The following KIAA1549L variants were observed in gnomAD, a reference collection of about 807,000 sequenced individuals.
The protein encoded by KIAA1549L is KIAA1549 like.
KIAA1549L carries 88 observed loss-of-function variants against 160.7 expected under a neutral mutation model. The observed-to-expected ratio is 0.55, with a 90% CI of 0.46 to 0.65. The LOEUF is 0.65. KIAA1549L is among the 30% of genes least tolerant of loss of function. KIAA1549L has a pLI of 0.00. For synonymous variants in KIAA1549L, 950 were observed against 976.7 expected (o/e 0.97, Z 0.51); for missense variants, 2,258 against 2,437.5 (o/e 0.93, Z 1.55).
chr11:33,526,634 C>T (rs942934527), intron 1 of KIAA1549L, among the ~76,000 whole-genome samples: 3 of 152,194 alleles, frequency 2.0e-5, no homozygotes, highest in African/African-American at 7.2e-5. Context: ...GAGAGCACTA[C>T]ATCAAGGAAT....
intron 1 of KIAA1549L, among the ~76,000 whole-genome samples, chr11:33,444,063 C>T (rs902876626): frequency 6.6e-6 from 1 of 152,190 alleles, no homozygotes; most frequent in Non-Finnish European, 1.5e-5. Flanking sequence ...AAGATCTGCA[C>T]TACCTGGGTT....
intron 16 of KIAA1549L, among the ~76,000 whole-genome samples, chr11:33,627,790 T>C (rs2133368708): frequency 6.6e-6 from 1 of 152,162 alleles, no homozygotes; most frequent in African/African-American, 2.4e-5. Flanking sequence ...TTTCCTTCAG[T>C]TCTGCTCTGA....
intron 18 of KIAA1549L, among the ~76,000 whole-genome samples, chr11:33,657,876 C>T (rs1244850042): frequency 6.6e-6 from 1 of 152,228 alleles, no homozygotes; most frequent in African/African-American, 2.4e-5. Context: ...CTTGCCGTGG[C>T]TGTCATTTGC....
At chr11:33,606,359 C>T (rs1850500758) in intron 13 of KIAA1549L, among the ~76,000 whole-genome samples, 2 of 152,116 alleles carry the variant, frequency 1.3e-5, no homozygotes, top group South Asian at 4.2e-4. Flanking sequence ...TTTCAACTGT[C>T]TTATGTCATA....
rs181806311 is a variant in KIAA1549L at position 33,597,723 on chromosome 11, G to C, written c.4752-1097G>C. Among the ~76,000 whole-genome samples the C allele has an allele frequency of 4.0e-3, 602 of 152,254 alleles. 7 individuals are homozygous for C. Among genetic ancestry groups the C allele is most frequent in the African/African-American group, 0.013 (554 of 41,540 alleles). ...TTCCAGAAGATGAGAGTCCCGCCCT[G>C]AGGAAGGAAAGAAGGCTCTGTGACT... is the stretch of plus-strand genomic sequence containing the variant. On this transcript the variant is annotated intron_variant, in intron 12 of 20. Coordinates refer to ENST00000658780, the MANE Select transcript of KIAA1549L (RefSeq NM_012194.3).
intron 13 of KIAA1549L, among the ~76,000 whole-genome samples, chr11:33,605,027 CAG>C (rs1850461830): frequency 6.6e-6 from 1 of 152,120 alleles, no homozygotes; most frequent in Non-Finnish European, 1.5e-5. Context: ...TGGCTCTTGA[CAG>C]GGGGCTTCAG....
intron 1 of KIAA1549L, among the ~76,000 whole-genome samples, chr11:33,445,081 A>T (rs1327468457): frequency 4.6e-5 from 7 of 152,202 alleles, no homozygotes; most frequent in Non-Finnish European, 8.8e-5. Flanking sequence ...CCCACAATGG[A>T]GAGCGCAGCA....
chr11:33,667,736 G>C, intron 20 of KIAA1549L, 137 bp from the exon 21 acceptor site: 1 of 706,206 alleles, frequency 1.4e-6, no homozygotes. Context: ...TCTATACAAT[G>C]GTATGTGGCT....
intron 20 of KIAA1549L, among the ~76,000 whole-genome samples, 200 bp downstream of exon 20, chr11:33,661,214 C>T (rs1852250333): frequency 6.6e-6 from 1 of 152,198 alleles, no homozygotes; most frequent in Admixed American, 6.5e-5. Context: ...TTGAGACCTG[C>T]CTTCTAGTCC....
chr11:33,589,491 A>G (rs1247095102), intron 11 of KIAA1549L, among the ~76,000 whole-genome samples: 2 of 152,230 alleles, frequency 1.3e-5, no homozygotes, highest in African/African-American at 4.8e-5. Flanking sequence ...TATTCACAAT[A>G]GCAAAGACTT....
At chr11:33,524,893 G>A (rs958876073) in intron 1 of KIAA1549L, among the ~76,000 whole-genome samples, 2 of 152,174 alleles carry the variant, frequency 1.3e-5, no homozygotes, top group African/African-American at 2.4e-5. Context: ...TAATGCAGAA[G>A]CATAGTCCGT....
At chr11:33,577,088 G>A (rs146370000) in intron 10 of KIAA1549L, among the ~76,000 whole-genome samples, 1 of 152,210 alleles carries the variant, frequency 6.6e-6, no homozygotes, top group Non-Finnish European at 1.5e-5. Context: ...AGGGAGATGG[G>A]AGGAGAGTGT....
rs191816676 is a variant in KIAA1549L, at chr11:33,670,046, G to C, written c.*1892G>C. ...TGGACAGTGCGAGATTTTATTGACA[G>C]GTTAACACAATGCCTACGTCTATCC... On this transcript the variant is annotated 3_prime_UTR_variant, in exon 21 of 21. Coordinates refer to ENST00000658780, the MANE Select transcript of KIAA1549L (RefSeq NM_012194.3). The C allele has an allele frequency of 6.6e-6, 1 of 152,284 alleles. No individual in the cohort carries two copies. The highest frequency in any genetic ancestry group is 1.9e-4 in the East Asian group (1 of 5,186). The allele number at this position is 152,284 out of a possible 1,614,324, so 9.4% of individuals were successfully genotyped here.
chr11:33,585,510 C>T (rs1855784168), intron 11 of KIAA1549L, among the ~76,000 whole-genome samples: 1 of 151,928 alleles, frequency 6.6e-6, no homozygotes, highest in African/African-American at 2.4e-5. Flanking sequence ...AAGAGCAAAA[C>T]TCCGTCTCAA....
chr11:33,647,242 G>T (rs1280230595), intron 17 of KIAA1549L, among the ~76,000 whole-genome samples: 1 of 152,032 alleles, frequency 6.6e-6, no homozygotes, highest in Non-Finnish European at 1.5e-5. Context: ...CAGGTGTGGC[G>T]GCATGCGCCT....
Position 33,635,421 on chromosome 11 carries a change from C to T in KIAA1549L, c.5410-10265C>T, listed in dbSNP as rs140114288. On this transcript the variant is annotated intron_variant, in intron 16 of 20. Transcript: ENST00000658780. ...TTGCATAATTTGTTCAGAATCTGTT[C>T]GTGCAGGATGGAGCTGCGATTGACA... is the stretch of plus-strand genomic sequence containing the variant. Among the ~76,000 whole-genome samples the T allele has an allele frequency of 1.5e-3, 223 of 152,294 alleles. 1 individual carries two copies. Among genetic ancestry groups the T allele is most frequent in the South Asian group, 7.5e-3 (36 of 4,830 alleles).
intron 1 of KIAA1549L, among the ~76,000 whole-genome samples, chr11:33,530,439 ATAT>A (rs1853738093): frequency 5.3e-4 from 2 of 3,742 alleles, no homozygotes; most frequent in Non-Finnish European, 1.0e-3. Flanking sequence ...AAAAAAAAAT[ATAT>A]ATATATATAT....
chr11:33,640,544 A>C (rs903229784), intron 16 of KIAA1549L, among the ~76,000 whole-genome samples: 6 of 152,232 alleles, frequency 3.9e-5, no homozygotes, highest in African/African-American at 1.4e-4. Context: ...ACCTGGGTCA[A>C]GCTCACACTC....
At chr11:33,455,681 C>A (rs949212282) in intron 1 of KIAA1549L, among the ~76,000 whole-genome samples, 1 of 152,264 alleles carries the variant, frequency 6.6e-6, no homozygotes, top group East Asian at 1.9e-4. Context: ...GAAAAATTAT[C>A]TGAAAACATG....
Sources: allele counts gnomAD v4.1 joint callset (sites outside exome capture counted in the v4.1 genomes callset), GRCh38; gene constraint gnomAD v4.1.1; transcripts MANE v1.5; gene names NCBI Gene and HGNC (gene_info 2026-07-23, HGNC 2026-07-21).